The following PLCG2 variants were observed in gnomAD, a reference collection of about 807,000 sequenced individuals.
PLCG2 encodes the protein phospholipase C gamma 2.
A neutral mutation model predicts 175.6 loss-of-function variants in PLCG2; 69 were observed. The observed-to-expected ratio is 0.39, with a 90% CI of 0.32 to 0.48. The LOEUF (loss-of-function observed/expected upper bound fraction) is 0.48, where lower values mean the gene tolerates loss of function less well. Among genes scored for constraint, PLCG2 ranks in the 20% least tolerant of loss-of-function variants. The pLI, the probability that PLCG2 is intolerant of heterozygous loss-of-function variation, is 0.91. For synonymous variants in PLCG2, 827 were observed against 624.0 expected (o/e 1.33, Z -4.85); for missense variants, 1,798 against 1,650.9 (o/e 1.09, Z -1.54).
intron 19 of PLCG2, among the ~76,000 whole-genome samples, chr16:81,917,822 C>T (rs931220819): frequency 7.2e-5 from 11 of 152,116 alleles, no homozygotes; most frequent in Admixed American, 2.0e-4. Flanking sequence ...CCTGGGTTCA[C>T]GCCATTCTCT....
In PLCG2 at chr16:81,962,260, T is replaced by A; in HGVS notation, c.*4262T>A. The A allele has an allele frequency of 5.1e-6, 1 of 194,676 alleles. No individual in the cohort carries two copies. Among genetic ancestry groups the A allele is most frequent in the Non-Finnish European group, 1.1e-5 (1 of 93,694 alleles). 12.1% of individuals were successfully genotyped at this position (194,676 alleles called of 1,614,324 possible). Reference sequence around the variant, plus strand: ...AACCCTTTTGACTTTAAAAGGAAAATAGCTTAACCTTCAACCTGTGTGACA... The same window carrying A: ...AACCCTTTTGACTTTAAAAGGAAAAAAGCTTAACCTTCAACCTGTGTGACA... On this transcript the variant is annotated 3_prime_UTR_variant, in exon 33 of 33. Transcript: ENST00000564138.
At chr16:81,868,361 G>T (rs1266332110) in intron 5 of PLCG2, among the ~76,000 whole-genome samples, 9 of 126,174 alleles carry the variant, frequency 7.1e-5, no homozygotes, top group Admixed American at 4.2e-4. Flanking sequence ...GGCATTAAAA[G>T]AAACCTTTAT....
Position 81,931,591 on chromosome 16 carries a change from G to C in PLCG2, c.2676G>C (p.Arg892Ser). Residue 892 changes from arginine (R) to serine (S), a missense_variant, in exon 25 of 33, where the codon AGG (arginine) becomes AGC (serine). Physicochemically the swap from Arg to Ser is moderately radical, Grantham distance 110. Transcript: ENST00000564138. ...CTCCGGTGGAGTTTGCCACAGACAGGGTGGAGGAGCTCTTTGAGTGGTTTC... is the reference window on the plus strand; with the variant it reads ...CTCCGGTGGAGTTTGCCACAGACAGCGTGGAGGAGCTCTTTGAGTGGTTTC... ...GDPPVEFATD[R>S]VEELFEWFQS... is the part of the protein sequence containing the mutation. 6.2e-7 allele frequency: 1 copy of C among 1,614,096 alleles called. No individual in the cohort carries two copies. Among genetic ancestry groups the C allele is most frequent in the African/African-American group, 1.3e-5 (1 of 75,040 alleles).
intron 11 of PLCG2, among the ~76,000 whole-genome samples, chr16:81,893,123 T>C (rs1263057361): frequency 6.6e-6 from 1 of 152,200 alleles, no homozygotes; most frequent in Non-Finnish European, 1.5e-5. Flanking sequence ...CCTGCCAAAG[T>C]GCTGGGATTA....
At chr16:81,877,855 G>A (rs906683117) in intron 7 of PLCG2, among the ~76,000 whole-genome samples, 9 of 150,922 alleles carry the variant, frequency 6.0e-5, no homozygotes, top group African/African-American at 2.2e-4. Context: ...GCTTGTAGAT[G>A]TCATTGCATC....
intron 29 of PLCG2, among the ~76,000 whole-genome samples, chr16:81,939,620 C>G (rs1454353367): frequency 2.0e-5 from 3 of 152,200 alleles, no homozygotes; most frequent in East Asian, 3.8e-4. Context: ...ACACCTCCCC[C>G]GTTCCCTTGT....
chr16:81,880,178 C>G (rs1006446615), intron 7 of PLCG2, among the ~76,000 whole-genome samples: 4 of 152,140 alleles, frequency 2.6e-5, no homozygotes, highest in African/African-American at 9.7e-5. Context: ...GAGAGTGAGG[C>G]TGTGGTGAAC....
At chr16:81,952,973 A>T (rs1036438371) in intron 31 of PLCG2, among the ~76,000 whole-genome samples, 3 of 152,226 alleles carry the variant, frequency 2.0e-5, no homozygotes, top group Non-Finnish European at 4.4e-5. Flanking sequence ...AACCACCTGG[A>T]ATAAGGCAGG....
chr16:81,811,698 C>G (rs1320632829), intron 2 of PLCG2, among the ~76,000 whole-genome samples: 1 of 152,106 alleles, frequency 6.6e-6, no homozygotes, highest in Non-Finnish European at 1.5e-5. Flanking sequence ...AGGACATGAG[C>G]TCATCCTTTT....
chr16:81,859,389 C>A (rs1193093640), intron 5 of PLCG2: 4 of 505,552 alleles, frequency 7.9e-6, no homozygotes, highest in Non-Finnish European at 3.5e-6. Flanking sequence ...CAGAGATGAT[C>A]TCTGCCATGG....
chr16:81,791,392 C>G (rs540113715), intron 2 of PLCG2, among the ~76,000 whole-genome samples: 9 of 152,134 alleles, frequency 5.9e-5, no homozygotes, highest in Non-Finnish European at 1.0e-4. Flanking sequence ...GTAATATAAA[C>G]AAGCAGATTT....
intron 2 of PLCG2, among the ~76,000 whole-genome samples, chr16:81,794,241 C>T (rs1208441805): frequency 6.6e-6 from 1 of 152,146 alleles, no homozygotes; most frequent in Non-Finnish European, 1.5e-5. Context: ...TATTTTGGCT[C>T]ATCCTGAAAT....
intron 2 of PLCG2, among the ~76,000 whole-genome samples, chr16:81,766,070 C>A (rs1337828381): frequency 6.6e-6 from 1 of 152,182 alleles, no homozygotes; most frequent in Non-Finnish European, 1.5e-5. Context: ...GTGTGTCCTA[C>A]CTCTTCTGTC....
intron 22 of PLCG2, among the ~76,000 whole-genome samples, chr16:81,924,544 CT>C (rs1910182903): frequency 6.6e-6 from 1 of 152,214 alleles, no homozygotes; most frequent in Admixed American, 6.5e-5. Flanking sequence ...ACATAGCAGG[CT>C]GAGATTTGAA....
intron 2 of PLCG2, among the ~76,000 whole-genome samples, chr16:81,841,842 C>T (rs544868025): frequency 6.6e-6 from 1 of 152,210 alleles, no homozygotes; most frequent in Non-Finnish European, 1.5e-5. Flanking sequence ...TAACCTAACA[C>T]CTTTGGTTTT....
chr16:81,816,817 C>G (rs772422301), intron 2 of PLCG2, among the ~76,000 whole-genome samples: 10 of 151,882 alleles, frequency 6.6e-5, no homozygotes, highest in Non-Finnish European at 1.3e-4. Flanking sequence ...TTATGACTTA[C>G]TCCCAAGGTC....
intron 30 of PLCG2, 31 bp downstream of exon 30, chr16:81,940,090 T>G: frequency 6.3e-7 from 1 of 1,579,322 alleles, no homozygotes; most frequent in South Asian, 1.1e-5. Context: ...GATGTTCGAT[T>G]TGGGCTGGCG....
intron 14 of PLCG2, among the ~76,000 whole-genome samples, chr16:81,901,392 C>A (rs1346417455): frequency 1.3e-5 from 2 of 152,158 alleles, no homozygotes; most frequent in African/African-American, 4.8e-5. Flanking sequence ...GCTTAAAGCA[C>A]AGAAGAGTTT....
At chr16:81,912,994 G>C (rs1326091694) in intron 19 of PLCG2, among the ~76,000 whole-genome samples, 1 of 152,230 alleles carries the variant, frequency 6.6e-6, no homozygotes, top group Non-Finnish European at 1.5e-5. Context: ...GTGTTTCTCA[G>C]AGGAGGAAAC....
Sources: allele counts gnomAD v4.1 joint callset (sites outside exome capture counted in the v4.1 genomes callset), GRCh38; gene constraint gnomAD v4.1.1; transcripts MANE v1.5; gene names NCBI Gene and HGNC (gene_info 2026-07-23, HGNC 2026-07-21).